The following ERC1 variants were observed in gnomAD, a reference collection of about 807,000 sequenced individuals.
The protein encoded by ERC1 is ELKS/RAB6-interacting/CAST family member 1.
In ERC1, 56 loss-of-function variants were observed where a neutral mutation model predicts 132.0. That is an observed-to-expected ratio of 0.42 (90% CI 0.34 to 0.53). The LOEUF (loss-of-function observed/expected upper bound fraction) is 0.53, where lower values mean the gene tolerates loss of function less well. ERC1 is among the 20% of genes least tolerant of loss of function. The pLI is 0.03. For synonymous variants in ERC1, 478 were observed against 476.1 expected, an observed-to-expected ratio of 1.00 and a Z score of -0.05; for missense variants, 1,202 against 1,349.9, an observed-to-expected ratio of 0.89 and a Z score of 1.72.
At chr12:1,452,439 G>A (rs1473125908) in intron 18 of ERC1, among the ~76,000 whole-genome samples, 2 of 152,026 alleles carry the variant, frequency 1.3e-5, no homozygotes, top group East Asian at 1.9e-4. Context: ...ATCTTGTTTG[G>A]AATTCTCTGA....
At chr12:1,387,896 C>A (rs901589638) in intron 16 of ERC1, among the ~76,000 whole-genome samples, 2 of 152,174 alleles carry the variant, frequency 1.3e-5, no homozygotes. Flanking sequence ...AAGCTTGTTG[C>A]CCCTGAAGGT....
intron 18 of ERC1, among the ~76,000 whole-genome samples, chr12:1,464,600 A>G (rs2093706427): frequency 7.4e-6 from 1 of 134,456 alleles, no homozygotes; most frequent in Admixed American, 8.7e-5. Flanking sequence ...GCTCACTGCA[A>G]CCTCCCCCTC....
In ERC1 at chr12:1,328,654, T is replaced by TCC. The variant is rs375307708; in HGVS notation, c.2780+38647_2780+38648dup. The stretch of plus-strand genomic sequence containing the variant: ...TTCCCCCTCTTGCCTTTTTCCTTTC[T>TCC]CCCCCCTCCCCTTTTCTCCCTCAGT... On this transcript the variant is annotated intron_variant, in intron 15 of 18. Transcript: ENST00000360905. Among the ~76,000 whole-genome samples the TCC allele has an allele frequency of 5.6e-3, 840 of 151,170 alleles. 11 individuals carry two copies. Among genetic ancestry groups the TCC allele is most frequent in the African/African-American group, 0.02 (807 of 40,954 alleles).
At chr12:1,025,878 A>C (rs1313968027) in intron 1 of ERC1, among the ~76,000 whole-genome samples, 4 of 145,232 alleles carry the variant, frequency 2.8e-5, no homozygotes, top group African/African-American at 1.0e-4. Flanking sequence ...GGCTCACTGC[A>C]ATGTCTGCCG....
intron 8 of ERC1, among the ~76,000 whole-genome samples, chr12:1,174,431 T>A (rs919059393): frequency 6.6e-5 from 10 of 152,200 alleles, no homozygotes; most frequent in Non-Finnish European, 1.0e-4. Context: ...GAGTGGGTAA[T>A]TGAAAAAGAA....
chr12:991,578 C>G (rs1959289653), intron 1 of ERC1: 1 of 151,920 alleles, frequency 6.6e-6, no homozygotes, highest in South Asian at 2.1e-4. Context: ...CACCCGCGGG[C>G]TCCACCCAGC....
intron 13 of ERC1, among the ~76,000 whole-genome samples, chr12:1,252,458 C>T (rs2076528758): frequency 6.6e-6 from 1 of 152,136 alleles, no homozygotes; most frequent in South Asian, 2.1e-4. Context: ...CATGTCCTTG[C>T]CCAAGTTTCT....
At chr12:1,144,786 CTTCCT>C (rs1950201480) in intron 8 of ERC1, among the ~76,000 whole-genome samples, 1 of 151,702 alleles carries the variant, frequency 6.6e-6, no homozygotes, top group Non-Finnish European at 1.5e-5. Flanking sequence ...CGTATAATGC[CTTCCT>C]TTCCTCTGGG....
chr12:1,219,928 T>C (rs1594316314), intron 12 of ERC1, among the ~76,000 whole-genome samples: 2 of 152,182 alleles, frequency 1.3e-5, no homozygotes, highest in Admixed American at 1.3e-4. Flanking sequence ...CTTCCTGTGT[T>C]CTCCCATCAT....
intron 2 of ERC1, among the ~76,000 whole-genome samples, chr12:1,032,285 G>A (rs10128900): frequency 0.012 from 1,833 of 152,200 alleles, 42 homozygotes; most frequent in African/African-American, 0.041. Context: ...TCCTGACCTC[G>A]TGATCCGCCT....
chr12:1,285,032 T>C (rs1294737178), intron 14 of ERC1, among the ~76,000 whole-genome samples: 3 of 152,240 alleles, frequency 2.0e-5, no homozygotes, highest in African/African-American at 4.8e-5. Context: ...GAAATGTCTA[T>C]AGAGATCTTT....
chr12:1,007,406 G>T (rs1333876448), intron 1 of ERC1, among the ~76,000 whole-genome samples: 1 of 152,176 alleles, frequency 6.6e-6, no homozygotes, highest in Non-Finnish European at 1.5e-5. Flanking sequence ...AGTAGTGACA[G>T]TGGGGATAGA....
intron 15 of ERC1, among the ~76,000 whole-genome samples, chr12:1,290,346 G>A (rs1341824403): frequency 6.6e-6 from 1 of 152,208 alleles, no homozygotes; most frequent in Non-Finnish European, 1.5e-5. Context: ...GAGGTTGTAT[G>A]AAGACTAGGC....
At chr12:1,263,251 T>C (rs972214290) in intron 14 of ERC1, 86 bp downstream of exon 14, 3 of 1,348,550 alleles carry the variant, frequency 2.2e-6, no homozygotes, top group Non-Finnish European at 3.1e-6. Flanking sequence ...AAACTATACA[T>C]ATTGTATGTT....
At chr12:1,051,217 C>T (rs532136315) in intron 2 of ERC1, among the ~76,000 whole-genome samples, 8 of 152,214 alleles carry the variant, frequency 5.3e-5, no homozygotes, top group African/African-American at 1.9e-4. Flanking sequence ...GCCCCCATCC[C>T]CCGATTTAAT....
intron 16 of ERC1, among the ~76,000 whole-genome samples, chr12:1,398,813 C>T (rs537859540): frequency 6.6e-6 from 1 of 152,146 alleles, no homozygotes; most frequent in Non-Finnish European, 1.5e-5. Context: ...GCTGTATCCT[C>T]CAGAGGGCAG....
chr12:1,295,890 A>G (rs1460604377), intron 15 of ERC1, among the ~76,000 whole-genome samples: 4 of 152,316 alleles, frequency 2.6e-5, no homozygotes, highest in Middle Eastern at 3.4e-3. Context: ...CATATTTGCA[A>G]TATATCCCAT....
chr12:1,176,763 A>C (rs1953773375), intron 8 of ERC1, among the ~76,000 whole-genome samples: 1 of 152,046 alleles, frequency 6.6e-6, no homozygotes, highest in Non-Finnish European at 1.5e-5. Context: ...GAAGCTTTGA[A>C]GCCAGACATT....
chr12:1,107,959 G>T (rs1169629618), intron 4 of ERC1, among the ~76,000 whole-genome samples: 7 of 152,140 alleles, frequency 4.6e-5, no homozygotes, highest in Non-Finnish European at 8.8e-5. Flanking sequence ...GAAGGGCTGG[G>T]GCTGGGGAAG....
Sources: allele counts gnomAD v4.1 joint callset (sites outside exome capture counted in the v4.1 genomes callset), GRCh38; gene constraint gnomAD v4.1.1; transcripts MANE v1.5; gene names NCBI Gene and HGNC (gene_info 2026-07-23, HGNC 2026-07-21).